ASIC2: variants seen among roughly 807,000 people sequenced by gnomAD.
ASIC2 encodes acid-sensing ion channel 2.
A neutral mutation model predicts 57.3 loss-of-function variants in ASIC2; 25 were observed. That is an observed-to-expected ratio of 0.44 (90% CI 0.32 to 0.61). ASIC2 has a LOEUF of 0.61. Among genes scored for constraint, ASIC2 ranks in the 20% least tolerant of loss-of-function variants. ASIC2 has a pLI of 0.06. For synonymous variants in ASIC2, 319 were observed against 307.5 expected (o/e 1.04, Z -0.39); for missense variants, 641 against 738.1 (o/e 0.87, Z 1.52).
At chr17:33,027,643 T>C (rs2091864627) in intron 4 of ASIC2, among the ~76,000 whole-genome samples, 1 of 152,050 alleles carries the variant, frequency 6.6e-6, no homozygotes, top group South Asian at 2.1e-4. Flanking sequence ...TGGAAGAGCC[T>C]GAATTAGAAA....
At chr17:33,968,518 A>C (rs1169785297) in intron 1 of ASIC2, among the ~76,000 whole-genome samples, 2 of 152,194 alleles carry the variant, frequency 1.3e-5, no homozygotes. Context: ...TTAAACCATC[A>C]CATGGAAAGC....
At chr17:33,265,508 G>T (rs1271193612) in intron 1 of ASIC2, among the ~76,000 whole-genome samples, 1 of 152,122 alleles carries the variant, frequency 6.6e-6, no homozygotes, top group Non-Finnish European at 1.5e-5. Flanking sequence ...GGGCCTGTTG[G>T]GGGAGTGGTG....
At chr17:33,142,860 T>C (rs1175817107) in intron 1 of ASIC2, among the ~76,000 whole-genome samples, 1 of 152,242 alleles carries the variant, frequency 6.6e-6, no homozygotes, top group Non-Finnish European at 1.5e-5. Flanking sequence ...ATCCCGTAGA[T>C]GGTAAATTTC....
chr17:34,067,553 C>CT (rs1909216895), intron 1 of ASIC2, among the ~76,000 whole-genome samples: 1 of 152,108 alleles, frequency 6.6e-6, no homozygotes, highest in Non-Finnish European at 1.5e-5. Context: ...AGTATGAATA[C>CT]TTTGGCCCAA....
chr17:33,073,783 A>T (rs2092078819), intron 3 of ASIC2, among the ~76,000 whole-genome samples: 1 of 152,210 alleles, frequency 6.6e-6, no homozygotes, highest in South Asian at 2.1e-4. Context: ...GCTAGAGATG[A>T]TCATCGGAAG....
chr17:33,216,275 C>A (rs1336198899), intron 1 of ASIC2, among the ~76,000 whole-genome samples: 1 of 152,182 alleles, frequency 6.6e-6, no homozygotes, highest in East Asian at 1.9e-4. Context: ...TAAGCAAAAA[C>A]TCTAACGTCA....
At chr17:33,757,975 G>A (rs1043909446) in intron 1 of ASIC2, among the ~76,000 whole-genome samples, 2 of 152,148 alleles carry the variant, frequency 1.3e-5, no homozygotes, top group African/African-American at 2.4e-5. Flanking sequence ...TTAACTTGTC[G>A]AATCCTCCCT....
intron 1 of ASIC2, among the ~76,000 whole-genome samples, chr17:33,489,444 A>G (rs1160876860): frequency 6.6e-6 from 1 of 152,198 alleles, no homozygotes; most frequent in African/African-American, 2.4e-5. Flanking sequence ...GCCAGAATGG[A>G]ACTGGCTCTG....
chr17:33,939,818 A>T (rs1166061148), intron 1 of ASIC2, among the ~76,000 whole-genome samples: 1 of 152,146 alleles, frequency 6.6e-6, no homozygotes, highest in Non-Finnish European at 1.5e-5. Context: ...GGGACACATG[A>T]TTTCTGTCCC....
rs547148124 is a variant in ASIC2 at position 33,795,509 on chromosome 17, G to A, written c.555+360469C>T. Among the ~76,000 whole-genome samples the A allele has an allele frequency of 7.9e-5, 12 of 152,268 alleles. No individual in the cohort carries two copies. In the South Asian group the frequency reaches 2.3e-3, roughly 29 times the overall value. ...TATTTCCTGGAGGAACTCAAACATT[G>A]ACATGAAATCTCATGGCCTTTGGAA... On this transcript the variant is annotated intron_variant, in intron 1 of 9. Coordinates refer to the ASIC2 transcript ENST00000359872.
Position 33,291,668 on chromosome 17 carries a change from C to A in ASIC2, c.448G>T (p.Asp150Tyr). 1 of 1,613,132 alleles carries A rather than the reference C, an allele frequency of 6.2e-7. No individual in the cohort carries two copies. The highest frequency in any genetic ancestry group is 8.5e-7 in the Non-Finnish European group (1 of 1,179,794). The change falls in exon 1 of 10, where the codon GAC (aspartate) becomes TAC (tyrosine). Residue 150 changes from aspartate (D) to tyrosine (Y), a missense_variant. Coordinates refer to ENST00000225823, the MANE Select transcript of ASIC2 (RefSeq NM_183377.2). ...PLRFPRLSKG[D>Y]LYYAGHWLGL... Reference sequence around the variant, plus strand: ...AGCCAGTGGCCGGCATAGTAGAGGTCCCCCTTGGAGAGGCGCGGGAAGCGC... The same window carrying A: ...AGCCAGTGGCCGGCATAGTAGAGGTACCCCTTGGAGAGGCGCGGGAAGCGC...
At chr17:33,129,366 T>C (rs1250626478) in intron 1 of ASIC2, among the ~76,000 whole-genome samples, 2 of 152,312 alleles carry the variant, frequency 1.3e-5, no homozygotes, top group Non-Finnish European at 2.9e-5. Flanking sequence ...GAACTAGGGG[T>C]ATTTAGAATA....
At chr17:33,253,370 C>CGT in intron 1 of ASIC2, among the ~76,000 whole-genome samples, 1 of 151,926 alleles carries the variant, frequency 6.6e-6, no homozygotes, top group Non-Finnish European at 1.5e-5. Flanking sequence ...TGTGCATGCA[C>CGT]GTATATGCAC....
At chr17:34,099,979 A>C (rs750347791) in intron 1 of ASIC2, among the ~76,000 whole-genome samples, 67 of 152,038 alleles carry the variant, frequency 4.4e-4, no homozygotes, top group Middle Eastern at 3.2e-3. Flanking sequence ...AATTCCCATG[A>C]TATTTGCTAA....
chr17:33,486,296 C>T (rs1204319553), intron 1 of ASIC2, among the ~76,000 whole-genome samples: 5 of 152,106 alleles, frequency 3.3e-5, no homozygotes, highest in African/African-American at 1.2e-4. Context: ...GTATAGATGC[C>T]CCCAAAGTTC....
At chr17:33,352,728 G>A (rs1597695343) in intron 1 of ASIC2, among the ~76,000 whole-genome samples, 1 of 152,104 alleles carries the variant, frequency 6.6e-6, no homozygotes, top group African/African-American at 2.4e-5. Context: ...TTCAGTTTCA[G>A]TGTGCAAGGT....
intron 1 of ASIC2, among the ~76,000 whole-genome samples, chr17:33,736,548 G>A (rs1211310070): frequency 6.6e-6 from 1 of 152,058 alleles, no homozygotes; most frequent in Non-Finnish European, 1.5e-5. Context: ...GATTGTAGTT[G>A]GCTCACTAGA....
intron 1 of ASIC2, among the ~76,000 whole-genome samples, chr17:33,783,315 C>A (rs982612798): frequency 6.6e-6 from 1 of 152,238 alleles, no homozygotes; most frequent in South Asian, 2.1e-4. Context: ...ACTTACTAAT[C>A]CTGGTGAGAT....
intron 1 of ASIC2, among the ~76,000 whole-genome samples, chr17:33,163,892 G>A (rs1905231769): frequency 1.3e-5 from 2 of 152,146 alleles, no homozygotes; most frequent in Non-Finnish European, 2.9e-5. Flanking sequence ...GATCTAAAGG[G>A]GGTGAAGGAG....
Sources: gnomAD v4.1 joint callset for allele counts (sites outside exome capture counted in the v4.1 genomes callset) on GRCh38, gnomAD v4.1.1 for gene constraint, MANE v1.5 for transcripts, NCBI Gene and HGNC (gene_info 2026-07-23, HGNC 2026-07-21) for gene names.